Variants in FGF13 observed in about 807,000 individuals in gnomAD.
FGF13 encodes fibroblast growth factor 13, also known as fibroblast growth factor homologous factor 2.
In FGF13, 2 loss-of-function variants were observed where a neutral mutation model predicts 19.5. The ratio of observed to expected loss-of-function variants is 0.10; its 90% CI spans 0.04 to 0.32. The LOEUF is 0.32. Among genes scored for constraint, FGF13 ranks in the 10% least tolerant of loss-of-function variants. The probability of loss-of-function intolerance (pLI) is 1.00; values close to 1 mark genes in which losing one functional copy is unlikely to be tolerated. For synonymous variants in FGF13, 72 were observed against 76.9 expected, an observed-to-expected ratio of 0.94 and a Z score of 0.33; for missense variants, 113 against 192.7, an observed-to-expected ratio of 0.59 and a Z score of 2.45.
chrX:138,815,300 CT>C (rs1466711270), intron 3 of FGF13, among the ~76,000 whole-genome samples: 15 of 110,558 alleles, frequency 1.4e-4, no homozygotes, highest in Non-Finnish European at 3.8e-5. Flanking sequence ...ACATTGTATA[CT>C]TAAAAAGTGC....
intron 1 of FGF13, among the ~76,000 whole-genome samples, chrX:139,138,892 A>G (rs2083819992): frequency 9.3e-6 from 1 of 107,806 alleles, no homozygotes. Context: ...ATTCTAAACC[A>G]GTTTGTCTAT....
chrX:138,744,289 A>C (rs1051351321), upstream of FGF13, among the ~76,000 whole-genome samples: 1 of 111,277 alleles, frequency 9.0e-6, no homozygotes, highest in Non-Finnish European at 1.9e-5. Context: ...CACAGTGCAA[A>C]TCCTAGTCAA....
At chrX:138,849,604 A>C (rs971741634) in intron 3 of FGF13, among the ~76,000 whole-genome samples, 6 of 111,654 alleles carry the variant, frequency 5.4e-5, no homozygotes, top group African/African-American at 2.0e-4. Context: ...CCAGTCTTTC[A>C]GGCTATGCCT....
intron 1 of FGF13, among the ~76,000 whole-genome samples, chrX:138,987,606 T>A (rs1285607034): frequency 8.9e-6 from 1 of 112,281 alleles, no homozygotes; most frequent in Non-Finnish European, 1.9e-5. Flanking sequence ...AGATAGTAGA[T>A]AAAGTTCTGA....
At chrX:138,780,728 AC>A (rs950743069) in intron 3 of FGF13, among the ~76,000 whole-genome samples, 1 of 109,276 alleles carries the variant, frequency 9.2e-6, no homozygotes, top group Non-Finnish European at 1.9e-5. Context: ...AGACTTTAAC[AC>A]CCCACTGTCA....
intron 1 of FGF13, among the ~76,000 whole-genome samples, chrX:139,064,721 T>G (rs1467122955): frequency 9.0e-6 from 1 of 111,468 alleles, no homozygotes; most frequent in Non-Finnish European, 1.9e-5. Flanking sequence ...TGTTGGCCTG[T>G]CTTACTAGGT....
Position 138,979,835 on chromosome X carries a change from C to T in FGF13, c.-112-115185G>A, listed in dbSNP as rs779534783. 2.3e-3 allele frequency among the ~76,000 whole-genome samples: 258 copies of T among 111,426 alleles called. 1 individual carries two copies. Among genetic ancestry groups the T allele is most frequent in the Non-Finnish European group, 1.6e-3 (83 of 53,075 alleles). On this transcript the variant is annotated intron_variant, in intron 1 of 2. Transcript: ENST00000421460. ...CTATCTTTATGTTAGAATTCAGTAG[C>T]GAGATGCTTGTCACAGGGGAATATA...
At chrX:139,075,832 CTTTTTTT>C (rs749792834) in intron 1 of FGF13, among the ~76,000 whole-genome samples, 1 of 32,541 alleles carries the variant, frequency 3.1e-5, no homozygotes. Context: ...ATGTGTATTT[CTTTTTTT>C]TTTTTTTTTT....
At chrX:138,896,113 T>C (rs1211601870) in intron 1 of FGF13, among the ~76,000 whole-genome samples, 2 of 111,916 alleles carry the variant, frequency 1.8e-5, no homozygotes, top group Non-Finnish European at 3.8e-5. Flanking sequence ...ATAATAATAA[T>C]GTAGTGTACT....
At position 138,909,712 on chromosome X, in the gene FGF13, C is replaced by A. The variant is rs145261330; in HGVS notation, c.-112-45062G>T. 1.6e-4 allele frequency among the ~76,000 whole-genome samples: 18 copies of A among 111,849 alleles called. No homozygotes were observed. The East Asian group carries it at 4.5e-3, about 28-fold the overall frequency. ...CAACTTACAGTTAGGTGATGTTGGA[C>A]AAATCCTGTAAGTTCTTTAAACTCC... On this transcript the variant is annotated intron_variant, in intron 1 of 2. Coordinates refer to the FGF13 transcript ENST00000421460.
intron 1 of FGF13, among the ~76,000 whole-genome samples, chrX:139,054,930 T>TTGTATTGTAC (rs1569447681): frequency 3.7e-5 from 4 of 108,433 alleles, no homozygotes; most frequent in African/African-American, 1.4e-4. Context: ...TTGTATTGTA[T>TTGTATTGTAC]TGTATTTTGC....
At chrX:139,131,822 G>C (rs1385114312) in intron 1 of FGF13, among the ~76,000 whole-genome samples, 1 of 111,990 alleles carries the variant, frequency 8.9e-6, no homozygotes, top group African/African-American at 3.2e-5. Context: ...CCCATGGTTT[G>C]TGTGGATTTT....
At chrX:138,847,943 A>G (rs2091194848) in intron 3 of FGF13, among the ~76,000 whole-genome samples, 1 of 111,770 alleles carries the variant, frequency 8.9e-6, no homozygotes, top group Non-Finnish European at 1.9e-5. Flanking sequence ...GCAATCAAGT[A>G]AAGAATTGTC....
intron 1 of FGF13, among the ~76,000 whole-genome samples, chrX:138,876,499 G>C (rs760964283): frequency 8.9e-6 from 1 of 112,318 alleles, no homozygotes; most frequent in Admixed American, 9.4e-5. Context: ...GCAGGCCTAC[G>C]AGGGGGCCAC....
At chrX:138,902,673 G>A (rs2091537619) in intron 1 of FGF13, among the ~76,000 whole-genome samples, 1 of 111,759 alleles carries the variant, frequency 8.9e-6, no homozygotes, top group Non-Finnish European at 1.9e-5. Flanking sequence ...TTAAAACTCT[G>A]CAAAGAAAAC....
intron 3 of FGF13, among the ~76,000 whole-genome samples, chrX:138,844,098 A>C (rs923087429): frequency 8.9e-6 from 1 of 112,315 alleles, no homozygotes; most frequent in Non-Finnish European, 1.9e-5. Context: ...TTCTAGCAAA[A>C]GTGCACGTTT....
chrX:139,031,368 T>C (rs1019839309), intron 1 of FGF13, among the ~76,000 whole-genome samples: 4 of 111,241 alleles, frequency 3.6e-5, no homozygotes. Context: ...CCCAAGAGCA[T>C]CTAATTCAAT....
chrX:138,751,614 T>G (rs1343060436), intron 3 of FGF13, among the ~76,000 whole-genome samples: 3 of 111,885 alleles, frequency 2.7e-5, no homozygotes, highest in Non-Finnish European at 5.6e-5. Flanking sequence ...ACCTCCTCCT[T>G]TTTTGCTTTT....
At chrX:138,950,300 T>TCATTTGAAATG (rs2091804192) in intron 1 of FGF13, among the ~76,000 whole-genome samples, 2 of 112,174 alleles carry the variant, frequency 1.8e-5, no homozygotes, top group African/African-American at 6.5e-5. Context: ...TTTAAGGATG[T>TCATTTGAAATG]AACTCATTTG....
Sources: gnomAD v4.1 joint callset for allele counts (sites outside exome capture counted in the v4.1 genomes callset) on GRCh38, gnomAD v4.1.1 for gene constraint, MANE v1.5 for transcripts, NCBI Gene and HGNC (gene_info 2026-07-23, HGNC 2026-07-21) for gene names.